Variants in TDRKH observed in about 807,000 individuals in gnomAD.
The protein encoded by TDRKH is tudor and KH domain-containing protein.
A neutral mutation model predicts 61.3 loss-of-function variants in TDRKH; 28 were observed. The ratio of observed to expected loss-of-function variants is 0.46; its 90% CI spans 0.34 to 0.63. TDRKH has a LOEUF of 0.63. Among genes scored for constraint, TDRKH ranks in the 20% least tolerant of loss-of-function variants. The pLI is 0.01. For synonymous variants in TDRKH, 219 were observed against 244.4 expected (o/e 0.90, Z 0.97); for missense variants, 540 against 683.4 (o/e 0.79, Z 2.34).
chr1:151,770,263 G>T (rs371154517), downstream of TDRKH: 55 of 1,612,238 alleles, frequency 3.4e-5, no homozygotes, highest in Non-Finnish European at 4.4e-5. Context: ...CAGAGGTGGG[G>T]ATCTGCTGTT....
intron 2 of TDRKH, chr1:151,782,685 G>T: frequency 3.1e-6 from 1 of 320,402 alleles, no homozygotes; most frequent in Non-Finnish European, 5.4e-6. Context: ...TGGGAGGATT[G>T]CTTGAGCCCA....
In TDRKH at chr1:151,774,813, G is replaced by A; in HGVS notation, c.1537-7C>T. 3 of 1,613,476 alleles carry A rather than the reference G, an allele frequency of 1.9e-6. No homozygotes were observed. Among genetic ancestry groups the A allele is most frequent in the South Asian group, 1.1e-5 (1 of 90,936 alleles). On this transcript the variant is annotated splice_polypyrimidine_tract_variant and splice_region_variant and intron_variant, in intron 11 of 12. Transcript: ENST00000368824. ...AGGCATCTGTTTCTGTGGCCTGAGTGGATGAAAACAGGAAAAAAGGAGGAA... is the reference window on the plus strand; with the variant it reads ...AGGCATCTGTTTCTGTGGCCTGAGTAGATGAAAACAGGAAAAAAGGAGGAA...
Position 151,773,729 on chromosome 1 carries a change from G to A in TDRKH, c.*723C>T, listed in dbSNP as rs1201957128. 3 of 152,312 alleles carry A rather than the reference G, an allele frequency of 2.0e-5. No individual in the cohort carries two copies. The South Asian group carries it at 6.2e-4, about 32-fold the overall frequency. 9.4% of individuals were successfully genotyped at this position (152,312 alleles called of 1,614,324 possible). ...TCTCCAATAACATATCAGCAATTGA[G>A]GCTGGGAGGCAGTATTCTCTTCCCA... On this transcript the variant is annotated 3_prime_UTR_variant, in exon 13 of 13. Coordinates refer to ENST00000368824, the MANE Select transcript of TDRKH (RefSeq NM_001083965.2).
intron 1 of TDRKH, among the ~76,000 whole-genome samples, chr1:151,788,211 G>A (rs1650533698): frequency 6.6e-6 from 1 of 152,198 alleles, no homozygotes; most frequent in South Asian, 2.1e-4. Context: ...ATGGTGTATA[G>A]TTGAAAATCA....
At position 151,775,834 on chromosome 1, in the gene TDRKH, C is replaced by A. The variant is rs372144473; in HGVS notation, c.1268G>T (p.Arg423Leu). 6.2e-7 allele frequency: 1 copy of A among 1,613,336 alleles called. No individual in the cohort carries two copies. Among genetic ancestry groups the A allele is most frequent in the African/African-American group, 1.3e-5 (1 of 74,894 alleles). ...GACCAATTTACCTGAGGGAGCAATC[C>A]GTGCCAGACTACATTCTATTGCTTG... ...PFQAIECSLA[R>L]IAPSGDQWEE... Residue 423 changes from arginine (R) to leucine (L), a missense_variant, in exon 9 of 13, where the codon CGG (arginine) becomes CTG (leucine). By Grantham distance (102) the Arg-to-Leu change is moderately radical. Transcript: ENST00000368824.
downstream of TDRKH, chr1:151,767,656 G>A (rs1648410494): frequency 6.7e-6 from 2 of 296,606 alleles, no homozygotes; most frequent in East Asian, 7.0e-5. Context: ...TAACAAGCCT[G>A]GTTGTAACCA....
Position 151,781,524 on chromosome 1 carries a change from G to A in TDRKH, c.188C>T (p.Ala63Val), listed in dbSNP as rs1254775010. 1 of 1,613,218 alleles carries A rather than the reference G, an allele frequency of 6.2e-7. No homozygotes were observed. The highest frequency in any genetic ancestry group is 1.3e-5 in the African/African-American group (1 of 74,716). Residue 63 changes from alanine to valine, a missense_variant, in exon 3 of 13, where the codon GCT becomes GTT. By Grantham distance (64) the Ala-to-Val change is moderately conservative. This residue lies in a region of TDRKH where 156 missense variants were observed against 218.0 expected (regional missense o/e 0.72). Transcript: ENST00000368824. ...TTGCCGGCCAATGATGAGTTTCACA[G>A]CCTCCTGGGGAACCCGCATCTCTAT... ...IEIEMRVPQEAVKLIIGRQGA... is the reference protein window; with the variant it reads ...IEIEMRVPQEVVKLIIGRQGA...
At chr1:151,788,867 C>T (rs1650607272) in intron 1 of TDRKH, among the ~76,000 whole-genome samples, 1 of 152,172 alleles carries the variant, frequency 6.6e-6, no homozygotes, top group Non-Finnish European at 1.5e-5. Context: ...AATTACATTG[C>T]TATGGGTTTC....
downstream of TDRKH, chr1:151,770,340 T>C (rs1451493455): frequency 2.0e-6 from 3 of 1,510,640 alleles, no homozygotes; most frequent in Admixed American, 2.2e-5. Context: ...CCTCTTCCCC[T>C]GTCTTTAAAA....
rs151118917 is a variant in TDRKH, at chr1:151,778,235, A to G, written c.883+450T>C. Among the ~76,000 whole-genome samples the G allele has an allele frequency of 7.3e-3, 1,116 of 152,322 alleles. 19 individuals are homozygous for G. The highest frequency in any genetic ancestry group is 0.026 in the African/African-American group (1,062 of 41,566). ...TACCCAGACACAGAAAGTTTGGGGT[A>G]AATAATAAACTACAAATATCCTCTT... On this transcript the variant is annotated intron_variant, in intron 6 of 12. Coordinates refer to ENST00000368824, the MANE Select transcript of TDRKH (RefSeq NM_001083965.2).
At chr1:151,766,775 G>A (rs1446999751), downstream of TDRKH, 5 of 1,571,846 alleles carry the variant, frequency 3.2e-6, no homozygotes, top group East Asian at 2.3e-5. Context: ...ATATCAAGAG[G>A]GGAAAAACAC....
rs1003044350 is a variant in TDRKH, at chr1:151,783,098, T to C, written c.-27-49A>G. The C allele has an allele frequency of 1.7e-5, 27 of 1,556,020 alleles. 1 individual carries two copies. In the South Asian group the frequency reaches 3.1e-4, roughly 18 times the overall value. On this transcript the variant is annotated intron_variant, in intron 1 of 12. Transcript: ENST00000368824. ...AGAGGGAGGTTTCATCCAATCCTTT[T>C]ATGAATAGCAGAGAGGCATGGGAGC...
At chr1:151,766,993 G>A, downstream of TDRKH, 2 of 1,359,286 alleles carry the variant, frequency 1.5e-6, no homozygotes, top group Admixed American at 2.1e-5. Flanking sequence ...AACAGAATAG[G>A]GGGTGGAAAG....
At position 151,785,743 on chromosome 1, in the gene TDRKH, G is replaced by A. The variant is rs536824824; in HGVS notation, c.-27-2694C>T. ...ACTCTTCCTTTTACCTAAGCTCTTA[G>A]GGTAACAGCACCTGTATTTTTATTC... On this transcript the variant is annotated intron_variant, in intron 1 of 12. Transcript: ENST00000368824. Among the ~76,000 whole-genome samples the A allele has an allele frequency of 9.9e-5, 15 of 152,206 alleles. 1 individual carries two copies. The highest frequency in any genetic ancestry group is 4.1e-4 in the South Asian group (2 of 4,822).
At chr1:151,766,871 G>A, downstream of TDRKH, 2 of 1,611,684 alleles carry the variant, frequency 1.2e-6, no homozygotes, top group Non-Finnish European at 1.7e-6. Flanking sequence ...AGAAGATGCT[G>A]CCTCGTTGTT....
At chr1:151,771,329 C>A (rs1401221206), downstream of TDRKH, 5 of 1,512,606 alleles carry the variant, frequency 3.3e-6, no homozygotes, top group African/African-American at 2.8e-5. Flanking sequence ...GTAGTGCAAT[C>A]ATCAAGTGTT....
chr1:151,767,811 G>GA (rs1226100263), downstream of TDRKH: 4 of 517,390 alleles, frequency 7.7e-6, no homozygotes, highest in Non-Finnish European at 1.4e-5. Context: ...AATGGTTATT[G>GA]TACTCCTGGG....
At position 151,788,252 on chromosome 1, in the gene TDRKH, G is replaced by A. The variant is rs1218988023; in HGVS notation, c.-28+2128C>T. On this transcript the variant is annotated intron_variant, in intron 1 of 12. Coordinates refer to ENST00000368824, the MANE Select transcript of TDRKH (RefSeq NM_001083965.2). ...TTAAAATACAACTCACTTTTCTTCC[G>A]CAAACCTATACTACATGAATGAACT... is the stretch of plus-strand genomic sequence containing the variant. 5.3e-5 allele frequency among the ~76,000 whole-genome samples: 8 copies of A among 152,056 alleles called. No individual in the cohort carries two copies. In the South Asian group the frequency reaches 6.2e-4, roughly 12 times the overall value.
chr1:151,787,808 CAAAAAAAA>C (rs71093211), intron 1 of TDRKH, among the ~76,000 whole-genome samples: 8 of 50,574 alleles, frequency 1.6e-4, no homozygotes, highest in East Asian at 6.6e-4. Context: ...TCTGTTTCTA[CAAAAAAAA>C]AAAAAAAAAA....
Sources: allele counts gnomAD v4.1 joint callset (sites outside exome capture counted in the v4.1 genomes callset), GRCh38; gene constraint gnomAD v4.1.1; regional missense constraint gnomAD v4.1.1; transcripts MANE v1.5; gene names NCBI Gene and HGNC (gene_info 2026-07-23, HGNC 2026-07-21).